Variants in LPIN2 observed in about 807,000 individuals in gnomAD.
The protein encoded by LPIN2 is phosphatidate phosphatase LPIN2.
LPIN2 carries 55 observed loss-of-function variants against 111.4 expected under a neutral mutation model. That is an observed-to-expected ratio of 0.49 (90% CI 0.40 to 0.62). LPIN2 has a LOEUF of 0.62. Among genes scored for constraint, LPIN2 ranks in the 20% least tolerant of loss-of-function variants. LPIN2 has a pLI of 0.00. For synonymous variants in LPIN2, 425 were observed against 414.0 expected (o/e 1.03, Z -0.32); for missense variants, 992 against 1,112.1 (o/e 0.89, Z 1.54).
intron 1 of LPIN2, among the ~76,000 whole-genome samples, chr18:2,981,741 A>C (rs1484243073): frequency 1.3e-5 from 2 of 151,924 alleles, no homozygotes; most frequent in Non-Finnish European, 1.5e-5. Context: ...GTTCCTGAGA[A>C]CTCTGAGTAA....
chr18:3,010,095 T>TG (rs2078577849), intron 1 of LPIN2, among the ~76,000 whole-genome samples: 1 of 152,172 alleles, frequency 6.6e-6, no homozygotes, highest in Non-Finnish European at 1.5e-5. Flanking sequence ...CCACTACACA[T>TG]GGGTTGCCAC....
intron 7 of LPIN2, among the ~76,000 whole-genome samples, chr18:2,936,744 TCA>T (rs1259593797): frequency 6.6e-6 from 1 of 152,122 alleles, no homozygotes; most frequent in African/African-American, 2.4e-5. Context: ...CATGCCAGGC[TCA>T]GTTTTTTATG....
At chr18:2,974,243 A>AT (rs1331834640) in intron 1 of LPIN2, among the ~76,000 whole-genome samples, 2 of 151,834 alleles carry the variant, frequency 1.3e-5, no homozygotes, top group Non-Finnish European at 2.9e-5. Flanking sequence ...CGCCCAGCTA[A>AT]TTTTTTTGTA....
intron 9 of LPIN2, among the ~76,000 whole-genome samples, chr18:2,930,145 ATG>A (rs2077193431): frequency 6.6e-6 from 1 of 152,180 alleles, no homozygotes; most frequent in South Asian, 2.1e-4. Context: ...TCTCCAGGTA[ATG>A]TGTGTATTAC....
intron 1 of LPIN2, among the ~76,000 whole-genome samples, chr18:3,010,933 A>T (rs1216362870): frequency 6.6e-6 from 1 of 152,174 alleles, no homozygotes; most frequent in Non-Finnish European, 1.5e-5. Flanking sequence ...CTCACCATTC[A>T]GGGAAGGTAA....
At chr18:2,966,851 A>G (rs1182387404) in intron 1 of LPIN2, among the ~76,000 whole-genome samples, 1 of 152,182 alleles carries the variant, frequency 6.6e-6, no homozygotes, top group Non-Finnish European at 1.5e-5. Flanking sequence ...AGGTTAAAAC[A>G]GCTTTTACCA....
At chr18:2,937,325 C>T (rs2077299859) in intron 7 of LPIN2, among the ~76,000 whole-genome samples, 1 of 152,032 alleles carries the variant, frequency 6.6e-6, no homozygotes, top group Non-Finnish European at 1.5e-5. Context: ...GGGCAGATCA[C>T]CTGAGGTCAG....
intron 8 of LPIN2, among the ~76,000 whole-genome samples, chr18:2,933,782 T>C (rs1482688442): frequency 6.6e-6 from 1 of 152,090 alleles, no homozygotes; most frequent in Non-Finnish European, 1.5e-5. Flanking sequence ...TCCAAGTGTA[T>C]CATATTTGAG....
intron 1 of LPIN2, among the ~76,000 whole-genome samples, chr18:3,010,842 A>G (rs1198674473): frequency 6.6e-6 from 1 of 151,718 alleles, no homozygotes; most frequent in Non-Finnish European, 1.5e-5. Context: ...GAACCAAGCC[A>G]TAATGTAATA....
At chr18:2,939,693 A>G (rs1325609153) in intron 5 of LPIN2, 90 bp from the exon 6 acceptor site, 5 of 1,424,018 alleles carry the variant, frequency 3.5e-6, no homozygotes, top group South Asian at 1.2e-5. Flanking sequence ...ACAAATCTGA[A>G]TATCTTGACT....
rs950573571 is a variant in LPIN2, at chr18:3,012,464, T to C, written c.-10+623A>G. 7.3e-5 allele frequency among the ~76,000 whole-genome samples: 11 copies of C among 151,280 alleles called. No homozygotes were observed. The East Asian group carries it at 2.0e-3, about 27-fold the overall frequency. On this transcript the variant is annotated intron_variant, in intron 1 of 19. Coordinates refer to ENST00000677752, the MANE Select transcript of LPIN2 (RefSeq NM_001375808.2). ...TCAGTACAAACTGTATCTGAACGTGTTCCTCACAAATTAAGATCTGCACCG... is the reference window on the plus strand; with the variant it reads ...TCAGTACAAACTGTATCTGAACGTGCTCCTCACAAATTAAGATCTGCACCG...
chr18:2,939,954 AAC>A (rs1200907860), intron 5 of LPIN2, among the ~76,000 whole-genome samples: 41 of 152,354 alleles, frequency 2.7e-4, no homozygotes, highest in African/African-American at 9.4e-4. Context: ...TTGCAGAATA[AAC>A]AGTTATGACT....
intron 1 of LPIN2, among the ~76,000 whole-genome samples, chr18:2,968,588 GGA>G (rs34115051): frequency 0.55 from 83,484 of 151,600 alleles, 23,475 homozygotes; most frequent in Non-Finnish European, 0.61. Flanking sequence ...AATCTACTTG[GGA>G]GAGTTAGGTA....
At chr18:2,985,408 A>G (rs1357464108) in intron 1 of LPIN2, 1 of 152,220 alleles carries the variant, frequency 6.6e-6, no homozygotes, top group African/African-American at 2.4e-5. Flanking sequence ...ACTACTGAAA[A>G]AAGCTACTTT....
Position 2,988,012 on chromosome 18 carries a change from C to CAA in LPIN2, c.-10+25073_-10+25074dup, listed in dbSNP as rs761121515. Among the ~76,000 whole-genome samples the CAA allele has an allele frequency of 9.9e-3, 321 of 32,310 alleles. 35 individuals carry two copies. Among genetic ancestry groups the CAA allele is most frequent in the South Asian group, 0.032 (23 of 730 alleles). The allele number at this position is 32,310 out of a possible 152,430, so 21.2% of individuals were successfully genotyped here. ...TGGGCGACAGAGTGAGAGACTGTCT[C>CAA]AAAAAAAAAAAAAAAAAAAAAAAAA... On this transcript the variant is annotated intron_variant, in intron 1 of 19. Transcript: ENST00000677752.
intron 1 of LPIN2, among the ~76,000 whole-genome samples, chr18:2,972,052 CAAAACAAAACAAA>C (rs935315442): frequency 1.3e-5 from 2 of 151,870 alleles, no homozygotes; most frequent in Non-Finnish European, 2.9e-5. Context: ...ATATCAAAAA[CAAAACAAAACAAA>C]AAAACAAAAA....
In LPIN2 at chr18:2,925,870, G is replaced by A. The variant is rs1186348883; in HGVS notation, c.1794-502C>T. ...AACATTTAAAAATTAGCCAGGGGTA[G>A]TGACACTTGTCTGTGGTCCTAACTA... On this transcript the variant is annotated intron_variant, in intron 13 of 19. Coordinates refer to ENST00000677752, the MANE Select transcript of LPIN2 (RefSeq NM_001375808.2). This position sits in a 1 kb window ranked among gnomAD's most constrained non-coding sequence, Gnocchi z 4.1. 2.0e-5 allele frequency among the ~76,000 whole-genome samples: 3 copies of A among 152,176 alleles called. No homozygotes were observed. Among genetic ancestry groups the A allele is most frequent in the African/African-American group, 7.2e-5 (3 of 41,526 alleles).
chr18:3,002,741 T>C, intron 1 of LPIN2, among the ~76,000 whole-genome samples: 1 of 152,198 alleles, frequency 6.6e-6, no homozygotes. Context: ...AGCTTTTAAC[T>C]AAACAGTAAA....
At chr18:2,966,534 G>A (rs1358082752) in intron 1 of LPIN2, among the ~76,000 whole-genome samples, 5 of 152,210 alleles carry the variant, frequency 3.3e-5, no homozygotes, top group Non-Finnish European at 7.4e-5. Flanking sequence ...ACTCAAGTAT[G>A]AGCCTAGAAC....
Sources: allele counts gnomAD v4.1 joint callset (sites outside exome capture counted in the v4.1 genomes callset), GRCh38; gene constraint gnomAD v4.1.1; non-coding constraint Gnocchi (gnomAD v3.1); transcripts MANE v1.5; gene names NCBI Gene and HGNC (gene_info 2026-07-23, HGNC 2026-07-21).